The following MAP4K3 variants were observed in gnomAD, a reference collection of about 807,000 sequenced individuals.
MAP4K3 encodes the protein mitogen-activated protein kinase kinase kinase kinase 3, also known as MAPK/ERK kinase kinase kinase 3.
In MAP4K3, 94 loss-of-function variants were observed where a neutral mutation model predicts 143.5. That is an observed-to-expected ratio of 0.65 (90% confidence interval 0.55 to 0.78). The LOEUF is 0.78. Among genes scored for constraint, MAP4K3 ranks in the 30% least tolerant of loss-of-function variants. MAP4K3 has a pLI of 0.00. For synonymous variants in MAP4K3, 416 were observed against 347.2 expected (o/e 1.20, Z -2.20); for missense variants, 1,077 against 1,068.1 (o/e 1.01, Z -0.12).
intron 1 of MAP4K3, among the ~76,000 whole-genome samples, chr2:39,434,131 C>T (rs555742950): frequency 6.6e-6 from 1 of 152,292 alleles, no homozygotes; most frequent in East Asian, 1.9e-4. Context: ...TGACTATAAT[C>T]GGATCTCTTA....
chr2:39,329,385 C>G (rs771959771), intron 8 of MAP4K3, among the ~76,000 whole-genome samples: 8 of 152,064 alleles, frequency 5.3e-5, no homozygotes, highest in Non-Finnish European at 8.8e-5. Context: ...TTAACTAAAA[C>G]CATAACACAC....
chr2:39,404,218 G>C (rs973777888), intron 1 of MAP4K3, among the ~76,000 whole-genome samples: 15 of 152,026 alleles, frequency 9.9e-5, no homozygotes, highest in African/African-American at 3.4e-4. Context: ...AAGGGGACTT[G>C]GTCTTTCACC....
chr2:39,270,936 G>A (rs554080606), intron 26 of MAP4K3, among the ~76,000 whole-genome samples: 72 of 152,114 alleles, frequency 4.7e-4, no homozygotes, highest in Admixed American at 5.2e-4. Flanking sequence ...AAGAAAGTGG[G>A]AAGGACATAT....
intron 3 of MAP4K3, among the ~76,000 whole-genome samples, chr2:39,347,837 T>C (rs892292243): frequency 6.6e-6 from 1 of 152,090 alleles, no homozygotes; most frequent in African/African-American, 2.4e-5. Context: ...TAAGTGGTCA[T>C]TAATTATCTG....
intron 1 of MAP4K3, among the ~76,000 whole-genome samples, chr2:39,399,975 G>T (rs1022667796): frequency 1.3e-5 from 2 of 152,078 alleles, no homozygotes; most frequent in African/African-American, 2.4e-5. Flanking sequence ...AAACAAGTTG[G>T]TAAGTTTATA....
rs113973266 is a variant in MAP4K3, at chr2:39,285,369, C to T, written c.1587+1483G>A. 1.3e-3 allele frequency among the ~76,000 whole-genome samples: 199 copies of T among 152,054 alleles called. 3 individuals are homozygous for T. Among genetic ancestry groups the T allele is most frequent in the African/African-American group, 4.7e-3 (193 of 41,468 alleles). On this transcript the variant is annotated intron_variant, in intron 21 of 33. Coordinates refer to ENST00000263881, the MANE Select transcript of MAP4K3 (RefSeq NM_003618.4). ...ATACATAAAAAATGTTTACTTAGTA[C>T]CATTGGAAAGGTTAAAAAAAAAGTT... is the stretch of plus-strand genomic sequence containing the variant.
chr2:39,383,036 A>C (rs1666393785), intron 1 of MAP4K3, among the ~76,000 whole-genome samples: 2 of 152,202 alleles, frequency 1.3e-5, no homozygotes, highest in African/African-American at 4.8e-5. Flanking sequence ...CAAACCTCAG[A>C]GTACTTCCCA....
intron 19 of MAP4K3, 72 bp downstream of exon 19, chr2:39,290,220 A>G: frequency 8.9e-7 from 1 of 1,128,010 alleles, no homozygotes. Context: ...AAGCTAGAAA[A>G]ACTCTCAACA....
chr2:39,405,866 T>C (rs1205680343), intron 1 of MAP4K3, among the ~76,000 whole-genome samples: 2 of 151,796 alleles, frequency 1.3e-5, no homozygotes, highest in African/African-American at 2.4e-5. Flanking sequence ...AGTGAGACCC[T>C]ATCTCAAAAA....
At chr2:39,436,199 T>A (rs912616295) in intron 1 of MAP4K3, among the ~76,000 whole-genome samples, 29 of 152,306 alleles carry the variant, frequency 1.9e-4, no homozygotes, top group African/African-American at 6.7e-4. Flanking sequence ...GCTACTGGAC[T>A]TTGAATTCTA....
intron 13 of MAP4K3, among the ~76,000 whole-genome samples, chr2:39,310,457 T>C (rs1192920599): frequency 1.3e-5 from 2 of 152,200 alleles, no homozygotes; most frequent in Non-Finnish European, 2.9e-5. Flanking sequence ...TATTCTGTTG[T>C]GTATATATAC....
rs916196952 is a variant in MAP4K3, at chr2:39,416,843, G to A, written c.96+20049C>T. Among the ~76,000 whole-genome samples the A allele has an allele frequency of 9.2e-5, 14 of 152,170 alleles. No homozygotes were observed. The South Asian group carries it at 2.7e-3, about 29-fold the overall frequency. On this transcript the variant is annotated intron_variant, in intron 1 of 33. Coordinates refer to ENST00000263881, the MANE Select transcript of MAP4K3 (RefSeq NM_003618.4). ...TATAGCCGAATGTATGGAGTCTGGAGGCAAACTGGGTTCAACTGCTGGCTC... is the reference window on the plus strand; with the variant it reads ...TATAGCCGAATGTATGGAGTCTGGAAGCAAACTGGGTTCAACTGCTGGCTC...
intron 15 of MAP4K3, among the ~76,000 whole-genome samples, chr2:39,301,675 G>A (rs970976241): frequency 6.6e-6 from 1 of 152,066 alleles, no homozygotes; most frequent in African/African-American, 2.4e-5. Flanking sequence ...TAAAAGGCTG[G>A]TAATAATGAT....
intron 3 of MAP4K3, among the ~76,000 whole-genome samples, chr2:39,343,925 G>C (rs191682380): frequency 1.9e-4 from 29 of 152,242 alleles, no homozygotes; most frequent in Non-Finnish European, 5.9e-5. Context: ...TCTTTAGATA[G>C]CACTTCTCTC....
intron 7 of MAP4K3, among the ~76,000 whole-genome samples, chr2:39,332,898 T>C (rs985033924): frequency 1.3e-5 from 2 of 152,098 alleles, no homozygotes; most frequent in African/African-American, 4.8e-5. Context: ...CTAATAGATA[T>C]AGTTTAAAAT....
At chr2:39,363,893 GC>G (rs926877914) in intron 2 of MAP4K3, among the ~76,000 whole-genome samples, 10 of 149,150 alleles carry the variant, frequency 6.7e-5, no homozygotes, top group Admixed American at 5.4e-4. Context: ...TATACAAATG[GC>G]CAACAGATCT....
At chr2:39,286,336 C>G (rs751445028) in intron 21 of MAP4K3, among the ~76,000 whole-genome samples, 1 of 152,232 alleles carries the variant, frequency 6.6e-6, no homozygotes, top group Non-Finnish European at 1.5e-5. Context: ...CCACTGCTCA[C>G]CTCCTGCTGT....
chr2:39,299,945 G>T, intron 15 of MAP4K3, 144 bp from the exon 16 acceptor site: 1 of 369,190 alleles, frequency 2.7e-6, no homozygotes. Context: ...TTAAAAAGAA[G>T]GATTTCACGA....
At chr2:39,315,731 C>T (rs952784271) in intron 12 of MAP4K3, among the ~76,000 whole-genome samples, 4 of 152,076 alleles carry the variant, frequency 2.6e-5, no homozygotes, top group African/African-American at 9.7e-5. Flanking sequence ...GAATCAAGTA[C>T]ACTTGAGTAT....
Sources: allele counts gnomAD v4.1 joint callset (sites outside exome capture counted in the v4.1 genomes callset), GRCh38; gene constraint gnomAD v4.1.1; transcripts MANE v1.5; gene names NCBI Gene and HGNC (gene_info 2026-07-23, HGNC 2026-07-21).